NOS1AP: variants seen among roughly 807,000 people sequenced by gnomAD.
NOS1AP encodes the protein carboxyl-terminal PDZ ligand of neuronal nitric oxide synthase protein.
In NOS1AP, 21 loss-of-function variants were observed where a neutral mutation model predicts 56.2. That is an observed-to-expected ratio of 0.37 (90% CI 0.26 to 0.54). NOS1AP has a LOEUF of 0.54. Among genes scored for constraint, NOS1AP ranks in the 20% least tolerant of loss-of-function variants. The pLI is 0.84. For synonymous variants in NOS1AP, 270 were observed against 274.6 expected, an observed-to-expected ratio of 0.98 and a Z score of 0.17; for missense variants, 522 against 657.8, an observed-to-expected ratio of 0.79 and a Z score of 2.26.
chr1:162,171,549 A>G (rs1316075066), intron 2 of NOS1AP, among the ~76,000 whole-genome samples: 1 of 151,998 alleles, frequency 6.6e-6, no homozygotes, highest in African/African-American at 2.4e-5. Flanking sequence ...TTACTTCTGT[A>G]CTGGTCTTCA....
At chr1:162,084,900 A>G (rs141425674) in intron 1 of NOS1AP, among the ~76,000 whole-genome samples, 2,003 of 152,190 alleles carry the variant, frequency 0.013, 23 homozygotes, top group Middle Eastern at 0.031. Context: ...CCTGGGCTCA[A>G]GTGATCCACC....
intron 2 of NOS1AP, among the ~76,000 whole-genome samples, chr1:162,196,224 T>G (rs1345577244): frequency 2.0e-5 from 3 of 152,148 alleles, no homozygotes; most frequent in African/African-American, 4.8e-5. Flanking sequence ...GTCAACTGCT[T>G]CTGGGTTGGA....
At chr1:162,106,128 G>A (rs1464895896) in intron 1 of NOS1AP, among the ~76,000 whole-genome samples, 1 of 152,168 alleles carries the variant, frequency 6.6e-6, no homozygotes, top group Admixed American at 6.5e-5. Flanking sequence ...GGCTCATGAG[G>A]GGATCTCCTG....
At chr1:162,319,920 A>G (rs1434162283) in intron 4 of NOS1AP, among the ~76,000 whole-genome samples, 1 of 151,996 alleles carries the variant, frequency 6.6e-6, no homozygotes. Context: ...TCCCCACCCC[A>G]CAATCCTGCC....
intron 2 of NOS1AP, among the ~76,000 whole-genome samples, chr1:162,214,717 A>G (rs1652498060): frequency 6.6e-6 from 1 of 151,928 alleles, no homozygotes; most frequent in Non-Finnish European, 1.5e-5. Context: ...GTTATTGTTT[A>G]TTGTGTTCTT....
chr1:162,244,565 A>G (rs1403628683), intron 2 of NOS1AP, among the ~76,000 whole-genome samples: 1 of 152,214 alleles, frequency 6.6e-6, no homozygotes, highest in Non-Finnish European at 1.5e-5. Context: ...TGACCGAGCT[A>G]GGAATAGAAC....
At chr1:162,304,456 T>C (rs72700123) in intron 4 of NOS1AP, among the ~76,000 whole-genome samples, 1 of 152,156 alleles carries the variant, frequency 6.6e-6, no homozygotes, top group Admixed American at 6.5e-5. Flanking sequence ...CTTTCTTTTT[T>C]AAAAAAGTTT....
chr1:162,231,184 G>T (rs1388133650), intron 2 of NOS1AP, among the ~76,000 whole-genome samples: 1 of 152,140 alleles, frequency 6.6e-6, no homozygotes, highest in Non-Finnish European at 1.5e-5. Context: ...CATCCTAATG[G>T]ATGTAAAGTG....
rs1354369566 is a variant in NOS1AP, at chr1:162,277,152, A to G, written c.178-10192A>G. Among the ~76,000 whole-genome samples the G allele has an allele frequency of 6.6e-5, 10 of 152,184 alleles. No homozygotes were observed. In the East Asian group the frequency reaches 1.9e-3, roughly 29 times the overall value. On this transcript the variant is annotated intron_variant, in intron 2 of 9. Coordinates refer to ENST00000361897, the MANE Select transcript of NOS1AP (RefSeq NM_014697.3). ...GGCCTATAAATTAACAAGGTCCCTG[A>G]GTGATTTATATGGACCTTCAAGTTT...
intron 2 of NOS1AP, among the ~76,000 whole-genome samples, chr1:162,226,212 G>C (rs531980906): frequency 6.6e-6 from 1 of 152,274 alleles, no homozygotes; most frequent in East Asian, 1.9e-4. Flanking sequence ...AGAATCACTT[G>C]AACCTGGGAG....
chr1:162,127,433 A>T (rs528431182), intron 1 of NOS1AP, among the ~76,000 whole-genome samples: 1 of 152,166 alleles, frequency 6.6e-6, no homozygotes, highest in Admixed American at 6.5e-5. Context: ...GGGATTATTC[A>T]TACTTCATCA....
chr1:162,114,868 T>C (rs1572499), intron 1 of NOS1AP, among the ~76,000 whole-genome samples: 82,153 of 151,996 alleles, frequency 0.54, 23,409 homozygotes, highest in Non-Finnish European at 0.64. Context: ...GAAGTTGTTG[T>C]AGGGGTGGGA....
intron 2 of NOS1AP, among the ~76,000 whole-genome samples, chr1:162,158,394 C>A (rs1422176665): frequency 2.0e-5 from 3 of 152,184 alleles, no homozygotes; most frequent in African/African-American, 7.2e-5. Flanking sequence ...ATTCATTTAA[C>A]TATGAACATT....
intron 1 of NOS1AP, among the ~76,000 whole-genome samples, chr1:162,150,629 T>G (rs1291183348): frequency 1.3e-5 from 2 of 152,256 alleles, no homozygotes; most frequent in African/African-American, 4.8e-5. Flanking sequence ...GCATTTATTA[T>G]TGCCTGTCTT....
At chr1:162,274,603 A>G (rs1654682594) in intron 2 of NOS1AP, among the ~76,000 whole-genome samples, 1 of 152,314 alleles carries the variant, frequency 6.6e-6, no homozygotes, top group Non-Finnish European at 1.5e-5. Flanking sequence ...ACATCTTTTC[A>G]TGGGAGGCCA....
At chr1:162,218,958 G>A (rs1022521830) in intron 2 of NOS1AP, among the ~76,000 whole-genome samples, 16 of 152,188 alleles carry the variant, frequency 1.1e-4, no homozygotes, top group Non-Finnish European at 2.9e-5. Flanking sequence ...TTCACATGCA[G>A]TTTTTGAACC....
chr1:162,131,149 T>C (rs1218251692), intron 1 of NOS1AP, among the ~76,000 whole-genome samples: 1 of 152,108 alleles, frequency 6.6e-6, no homozygotes, highest in Non-Finnish European at 1.5e-5. Flanking sequence ...TTTGATCGAA[T>C]GTTTGAACGC....
At chr1:162,245,882 A>G (rs1361789769) in intron 2 of NOS1AP, among the ~76,000 whole-genome samples, 3 of 152,262 alleles carry the variant, frequency 2.0e-5, no homozygotes, top group Non-Finnish European at 4.4e-5. Flanking sequence ...ATGATAGCTT[A>G]TGATGGATTA....
chr1:162,161,789 A>G (rs1303881060), intron 2 of NOS1AP, among the ~76,000 whole-genome samples: 1 of 152,178 alleles, frequency 6.6e-6, no homozygotes, highest in Non-Finnish European at 1.5e-5. Context: ...TATGTTGCCC[A>G]GGCTAGTTAT....
Sources: gnomAD v4.1 joint callset for allele counts (sites outside exome capture counted in the v4.1 genomes callset) on GRCh38, gnomAD v4.1.1 for gene constraint, MANE v1.5 for transcripts, NCBI Gene and HGNC (gene_info 2026-07-23, HGNC 2026-07-21) for gene names.